The following DNAJB6 variants were observed in gnomAD, a reference collection of about 807,000 sequenced individuals.
The protein encoded by DNAJB6 is dnaJ homolog subfamily B member 6.
In DNAJB6, 16 loss-of-function variants were observed where a neutral mutation model predicts 42.7. The observed-to-expected ratio is 0.37, with a 90% confidence interval of 0.25 to 0.57. The LOEUF is 0.57. Ranked by LOEUF, DNAJB6 falls within the 20% of genes least tolerant of loss-of-function variation. The pLI is 0.74. For synonymous variants in DNAJB6, 170 were observed against 163.5 expected, an observed-to-expected ratio of 1.04 and a Z score of -0.30; for missense variants, 347 against 416.8, an observed-to-expected ratio of 0.83 and a Z score of 1.46.
chr7:157,360,742 A>G (rs1266350651), intron 2 of DNAJB6, among the ~76,000 whole-genome samples: 1 of 152,194 alleles, frequency 6.6e-6, no homozygotes, highest in Non-Finnish European at 1.5e-5. Flanking sequence ...GTGTGTTGAC[A>G]GTTTTTGATT....
At chr7:157,347,324 G>A (rs766744039) in intron 1 of DNAJB6, among the ~76,000 whole-genome samples, 15 of 152,198 alleles carry the variant, frequency 9.9e-5, no homozygotes, top group African/African-American at 2.9e-4. Context: ...TACATTGACA[G>A]CATAGTGCCA....
At chr7:157,414,522 C>A (rs1796062785) in intron 9 of DNAJB6, 1 of 152,314 alleles carries the variant, frequency 6.6e-6, no homozygotes, top group African/African-American at 2.4e-5. Context: ...ACAGGCCTCT[C>A]TCTGTTCGTT....
intron 1 of DNAJB6, among the ~76,000 whole-genome samples, chr7:157,346,245 T>G (rs888418958): frequency 4.0e-5 from 6 of 151,526 alleles, no homozygotes; most frequent in African/African-American, 1.5e-4. Flanking sequence ...ATCCATGTAT[T>G]TTACACTTAA....
Position 157,382,231 on chromosome 7 carries a change from TATGTTTG to T in DNAJB6, c.347-12_347-6del, listed in dbSNP as rs1800820690. The T allele has an allele frequency of 7.6e-6, 12 of 1,583,018 alleles. No individual in the cohort carries two copies. The East Asian group carries it at 2.7e-4, about 36-fold the overall frequency. On this transcript the variant is annotated splice_polypyrimidine_tract_variant and splice_region_variant and intron_variant, in intron 5 of 9. Coordinates refer to ENST00000262177, the MANE Select transcript of DNAJB6 (RefSeq NM_058246.4). Reference sequence around the variant, plus strand: ...AAAAAAAGACTTCATAGTGTGTGTTTATGTTTGATTTTAGAAGACCCTTTTGAGGACT... The same window carrying T: ...AAAAAAAGACTTCATAGTGTGTGTTTATTTTAGAAGACCCTTTTGAGGACT...
intron 3 of DNAJB6, among the ~76,000 whole-genome samples, chr7:157,364,103 A>ATT (rs1226948515): frequency 6.8e-6 from 1 of 147,114 alleles, no homozygotes; most frequent in Non-Finnish European, 1.5e-5. Flanking sequence ...AACAAAAAAA[A>ATT]TTTTTTTTTT....
chr7:157,353,169 T>C (rs1799086371), intron 1 of DNAJB6, among the ~76,000 whole-genome samples: 1 of 151,898 alleles, frequency 6.6e-6, no homozygotes, highest in Non-Finnish European at 1.5e-5. Flanking sequence ...CTCATGCAGT[T>C]TGTCCGCCTC....
At chr7:157,363,658 C>T (rs1799715986) in intron 3 of DNAJB6, among the ~76,000 whole-genome samples, 1 of 152,126 alleles carries the variant, frequency 6.6e-6, no homozygotes, top group Non-Finnish European at 1.5e-5. Flanking sequence ...AATACCATTC[C>T]AGTGGAGTCA....
chr7:157,355,121 C>T (rs1799203608), intron 1 of DNAJB6, among the ~76,000 whole-genome samples: 1 of 152,176 alleles, frequency 6.6e-6, no homozygotes, highest in Non-Finnish European at 1.5e-5. Context: ...GAGAGTTGGC[C>T]TTGAGCCTTT....
At chr7:157,392,671 T>G (rs1424960363) in intron 8 of DNAJB6, among the ~76,000 whole-genome samples, 1 of 152,184 alleles carries the variant, frequency 6.6e-6, no homozygotes, top group Non-Finnish European at 1.5e-5. Context: ...TCTAGGCCAG[T>G]CTTCGTCGTG....
chr7:157,355,942 A>T (rs1799252091), intron 1 of DNAJB6, among the ~76,000 whole-genome samples: 1 of 152,034 alleles, frequency 6.6e-6, no homozygotes, highest in South Asian at 2.1e-4. Flanking sequence ...CCACGTTCTC[A>T]CCTCTGTGCT....
At chr7:157,387,438 T>C (rs1412714844) in intron 8 of DNAJB6, among the ~76,000 whole-genome samples, 1 of 152,202 alleles carries the variant, frequency 6.6e-6, no homozygotes, top group Non-Finnish European at 1.5e-5. Context: ...AGCGCGCTTT[T>C]GTTTATGCCA....
chr7:157,386,582 A>G (rs1801070550), intron 8 of DNAJB6, among the ~76,000 whole-genome samples: 1 of 151,532 alleles, frequency 6.6e-6, no homozygotes, highest in African/African-American at 2.4e-5. Context: ...TTCTAGTTTG[A>G]TGTAAGATCA....
intron 1 of DNAJB6, among the ~76,000 whole-genome samples, chr7:157,344,589 ATTTG>A (rs1484916995): frequency 6.6e-6 from 1 of 151,776 alleles, no homozygotes. Context: ...GCCTGAAATT[ATTTG>A]TTTTTTTATT....
chr7:157,338,253 T>C (rs1584866009), intron 1 of DNAJB6, among the ~76,000 whole-genome samples: 1 of 152,124 alleles, frequency 6.6e-6, no homozygotes, highest in African/African-American at 2.4e-5. Context: ...GATTCATGAT[T>C]TCTGAAAGGA....
chr7:157,372,687 A>G (rs1800275413), intron 5 of DNAJB6, among the ~76,000 whole-genome samples: 1 of 152,170 alleles, frequency 6.6e-6, no homozygotes. Context: ...AAGCCAGAGC[A>G]CAGACCCTGA....
At chr7:157,358,219 G>A (rs1383236012) in intron 1 of DNAJB6, among the ~76,000 whole-genome samples, 1 of 152,192 alleles carries the variant, frequency 6.6e-6, no homozygotes, top group African/African-American at 2.4e-5. Context: ...ACCGTGTCTA[G>A]GAACACATGA....
chr7:157,345,701 C>A (rs776864614), intron 1 of DNAJB6, among the ~76,000 whole-genome samples: 119 of 151,996 alleles, frequency 7.8e-4, no homozygotes, highest in Admixed American at 3.3e-3. Context: ...TGCTGAGGGG[C>A]CAAATTTTAA....
chr7:157,373,079 C>G (rs746848576), intron 5 of DNAJB6, among the ~76,000 whole-genome samples: 12 of 152,080 alleles, frequency 7.9e-5, no homozygotes, highest in Non-Finnish European at 1.6e-4. Context: ...CAAGTTCCCC[C>G]TTTTTATAAG....
At position 157,390,718 on chromosome 7, in the gene DNAJB6, G is replaced by T. The variant is rs73505220; in HGVS notation, c.691+5107G>T. Among the ~76,000 whole-genome samples the T allele has an allele frequency of 6.5e-3, 984 of 152,332 alleles. 16 individuals carry two copies. Among genetic ancestry groups the T allele is most frequent in the African/African-American group, 0.022 (935 of 41,564 alleles). On this transcript the variant is annotated intron_variant, in intron 8 of 9. Transcript: ENST00000262177. Reference sequence around the variant, plus strand: ...CCTTTTCCTCTGCCTTCCCACAGCTGCCCTGAGTTGGCAAAAAGTGCTTTG... The same window carrying T: ...CCTTTTCCTCTGCCTTCCCACAGCTTCCCTGAGTTGGCAAAAAGTGCTTTG...
Sources: allele counts gnomAD v4.1 joint callset (sites outside exome capture counted in the v4.1 genomes callset), GRCh38; gene constraint gnomAD v4.1.1; transcripts MANE v1.5; gene names NCBI Gene and HGNC (gene_info 2026-07-23, HGNC 2026-07-21).